Variants in KCNIP4 observed in about 807,000 individuals in gnomAD.
KCNIP4 encodes the protein Kv channel-interacting protein 4.
KCNIP4 carries 12 observed loss-of-function variants against 34.0 expected under a neutral mutation model. The observed-to-expected ratio is 0.35, with a 90% confidence interval of 0.23 to 0.57. The LOEUF (loss-of-function observed/expected upper bound fraction) is 0.57, where lower values mean the gene tolerates loss of function less well. KCNIP4 is among the 20% of genes least tolerant of loss of function. The probability of loss-of-function intolerance (pLI) is 0.83; values close to 1 mark genes in which losing one functional copy is unlikely to be tolerated. For synonymous variants in KCNIP4, 124 were observed against 102.2 expected (o/e 1.21, Z -1.29); for missense variants, 238 against 311.7 (o/e 0.76, Z 1.78).
rs1577472539 is a variant in KCNIP4 at position 20,977,387 on chromosome 4, A to G, written c.62-94678T>C. 5.3e-5 allele frequency among the ~76,000 whole-genome samples: 8 copies of G among 152,148 alleles called. No individual in the cohort carries two copies. The South Asian group carries it at 1.7e-3, about 32-fold the overall frequency. ...GTAATAAGTCCTAACACTCTCTGAGACATTCCCCGTTTCTCTGCAGCATGT... is the reference window on the plus strand; with the variant it reads ...GTAATAAGTCCTAACACTCTCTGAGGCATTCCCCGTTTCTCTGCAGCATGT... On this transcript the variant is annotated intron_variant, in intron 1 of 8. Transcript: ENST00000382152.
intron 1 of KCNIP4, among the ~76,000 whole-genome samples, chr4:21,225,541 T>G (rs1758316533): frequency 6.6e-6 from 1 of 152,216 alleles, no homozygotes; most frequent in East Asian, 1.9e-4. Flanking sequence ...AGAAGTATCC[T>G]GGTTTTTATA....
intron 1 of KCNIP4, among the ~76,000 whole-genome samples, chr4:21,529,290 G>A (rs998292578): frequency 2.0e-5 from 3 of 152,146 alleles, no homozygotes; most frequent in Non-Finnish European, 2.9e-5. Context: ...TGCAACTGCA[G>A]AAGAGGAGAA....
chr4:21,691,568 T>C (rs969966917), intron 1 of KCNIP4, among the ~76,000 whole-genome samples: 1 of 152,144 alleles, frequency 6.6e-6, no homozygotes, highest in Non-Finnish European at 1.5e-5. Context: ...CTCGGTAGTC[T>C]TTGTCTTGTA....
intron 1 of KCNIP4, among the ~76,000 whole-genome samples, chr4:21,060,173 T>G (rs1419696485): frequency 2.0e-5 from 3 of 152,170 alleles, no homozygotes; most frequent in Non-Finnish European, 4.4e-5. Context: ...CAATAAAGAA[T>G]GAAAGCATTG....
intron 1 of KCNIP4, among the ~76,000 whole-genome samples, chr4:20,973,119 A>G (rs1735137423): frequency 6.6e-6 from 1 of 152,220 alleles, no homozygotes; most frequent in Non-Finnish European, 1.5e-5. Context: ...AAAGCCAGAC[A>G]CTGACTTCTC....
intron 1 of KCNIP4, among the ~76,000 whole-genome samples, chr4:21,023,871 G>A (rs1740293683): frequency 6.6e-6 from 1 of 151,944 alleles, no homozygotes; most frequent in Non-Finnish European, 1.5e-5. Flanking sequence ...AACCGAGTGA[G>A]ACTCTGTCTG....
intron 2 of KCNIP4, among the ~76,000 whole-genome samples, chr4:20,851,602 T>C (rs2149484296): frequency 7.0e-6 from 1 of 143,324 alleles, no homozygotes; most frequent in East Asian, 2.1e-4. Context: ...CTTTGAGGAA[T>C]CACCACACTA....
intron 1 of KCNIP4, among the ~76,000 whole-genome samples, chr4:20,965,188 A>G (rs566650722): frequency 8.5e-5 from 13 of 152,324 alleles, no homozygotes; most frequent in African/African-American, 3.1e-4. Context: ...GAAAGAATAA[A>G]TAGAAGTATT....
At chr4:21,335,929 C>T (rs1236263378) in intron 1 of KCNIP4, among the ~76,000 whole-genome samples, 1 of 151,964 alleles carries the variant, frequency 6.6e-6, no homozygotes, top group African/African-American at 2.4e-5. Flanking sequence ...CTATTAGTAC[C>T]CTCTCTACTT....
chr4:20,913,883 C>T (rs372475031), intron 1 of KCNIP4, among the ~76,000 whole-genome samples: 3 of 151,892 alleles, frequency 2.0e-5, no homozygotes, highest in Non-Finnish European at 4.4e-5. Context: ...TGGCCAGGCG[C>T]GGTGGCTCAT....
chr4:21,135,900 A>G (rs575645842), intron 1 of KCNIP4, among the ~76,000 whole-genome samples: 1 of 152,332 alleles, frequency 6.6e-6, no homozygotes, highest in African/African-American at 2.4e-5. Flanking sequence ...ACAAATATTA[A>G]TTGAAATATT....
chr4:21,618,799 A>AT (rs1372524928), intron 1 of KCNIP4, among the ~76,000 whole-genome samples: 4 of 150,596 alleles, frequency 2.7e-5, no homozygotes, highest in Non-Finnish European at 5.9e-5. Flanking sequence ...CGCCCTGCTA[A>AT]TTTTTTTGTA....
chr4:21,830,556 C>G (rs1329538213), intron 1 of KCNIP4, among the ~76,000 whole-genome samples: 2 of 152,030 alleles, frequency 1.3e-5, no homozygotes, highest in Non-Finnish European at 2.9e-5. Flanking sequence ...GTGCTGTAAT[C>G]CCAGCTACTC....
chr4:21,941,641 T>A (rs955942702), intron 1 of KCNIP4, among the ~76,000 whole-genome samples: 25 of 152,318 alleles, frequency 1.6e-4, no homozygotes, highest in African/African-American at 5.8e-4. Flanking sequence ...TTTTGAGGAC[T>A]CATTTTTACC....
At chr4:21,631,228 T>C (rs1243270574) in intron 1 of KCNIP4, among the ~76,000 whole-genome samples, 1 of 152,216 alleles carries the variant, frequency 6.6e-6, no homozygotes, top group Admixed American at 6.6e-5. Flanking sequence ...AAAACATGCT[T>C]CATAATAAAC....
At chr4:21,539,094 C>T (rs1737466618) in intron 1 of KCNIP4, among the ~76,000 whole-genome samples, 1 of 152,186 alleles carries the variant, frequency 6.6e-6, no homozygotes, top group Non-Finnish European at 1.5e-5. Flanking sequence ...GCTTCTCCTT[C>T]TGCCATGATT....
At position 21,063,770 on chromosome 4, in the gene KCNIP4, G is replaced by GA. The variant is rs1458660218; in HGVS notation, c.62-181062dup. On this transcript the variant is annotated intron_variant, in intron 1 of 8. Transcript: ENST00000382152. ...CAAAAAATGATGTAGATACCAGTGG[G>GA]AAAAAAATAGAAGATTCTTAGAAGA... is the stretch of plus-strand genomic sequence containing the variant. Among the ~76,000 whole-genome samples the GA allele has an allele frequency of 1.3e-5, 2 of 151,940 alleles. 1 individual carries two copies. The highest frequency in any genetic ancestry group is 4.1e-4 in the South Asian group (2 of 4,826).
Position 21,518,086 on chromosome 4 carries a change from A to G in KCNIP4, c.61+430485T>C, listed in dbSNP as rs372296569. ...TGAGATTTCCCATCCCAAGACTTTG[A>G]GATTCCAAATCCTGCTCCTATTCCA... On this transcript the variant is annotated intron_variant, in intron 1 of 8. Coordinates refer to ENST00000382152, the MANE Select transcript of KCNIP4 (RefSeq NM_025221.6). Among the ~76,000 whole-genome samples, 238 of 152,238 alleles carry G rather than the reference A, an allele frequency of 1.6e-3. 10 individuals carry two copies. In the South Asian group the frequency reaches 0.043, roughly 27 times the overall value.
Position 21,484,604 on chromosome 4 carries a change from T to C in KCNIP4, c.61+463967A>G, listed in dbSNP as rs117256608. On this transcript the variant is annotated intron_variant, in intron 1 of 8. Transcript: ENST00000382152. ...TGAGTAGGGGTTGAGGGTTGTTTGG[T>C]CGGGGGTCATTCCCGCAGCCTTTGA... Among the ~76,000 whole-genome samples, 52 of 152,238 alleles carry C rather than the reference T, an allele frequency of 3.4e-4. No individual in the cohort carries two copies. The East Asian group carries it at 9.3e-3, about 27-fold the overall frequency.
Sources: gnomAD v4.1 joint callset for allele counts (sites outside exome capture counted in the v4.1 genomes callset) on GRCh38, gnomAD v4.1.1 for gene constraint, MANE v1.5 for transcripts, NCBI Gene and HGNC (gene_info 2026-07-23, HGNC 2026-07-21) for gene names.